MAGI2: variants seen among roughly 807,000 people sequenced by gnomAD.
MAGI2 encodes the protein membrane-associated guanylate kinase, WW and PDZ domain-containing protein 2.
In MAGI2, 35 loss-of-function variants were observed where a neutral mutation model predicts 133.3. That is an observed-to-expected ratio of 0.26 (90% CI 0.20 to 0.35). The LOEUF is 0.35. Ranked by LOEUF, MAGI2 falls within the 10% of genes least tolerant of loss-of-function variation. The pLI, the probability that MAGI2 is intolerant of heterozygous loss-of-function variation, is 1.00. For missense variants in MAGI2, 1,636 were observed against 1,863.4 expected, an observed-to-expected ratio of 0.88 and a Z score of 2.25; for synonymous variants, 729 against 710.6, an observed-to-expected ratio of 1.03 and a Z score of -0.41.
intron 2 of MAGI2, among the ~76,000 whole-genome samples, chr7:78,684,651 T>C (rs770015729): frequency 6.6e-5 from 10 of 151,908 alleles, no homozygotes; most frequent in Non-Finnish European, 1.0e-4. Flanking sequence ...AAGAGGTGAG[T>C]GGATAGCTGA....
chr7:78,783,295 AAAAC>A (rs1164603515), intron 2 of MAGI2, among the ~76,000 whole-genome samples: 1 of 152,066 alleles, frequency 6.6e-6, no homozygotes, highest in East Asian at 1.9e-4. Flanking sequence ...TTTTACTAAC[AAAAC>A]AAACAACTTT....
At chr7:78,392,396 CA>C (rs1446526509) in intron 6 of MAGI2, among the ~76,000 whole-genome samples, 1 of 152,006 alleles carries the variant, frequency 6.6e-6, no homozygotes, top group Admixed American at 6.6e-5. Context: ...GATACTTTTG[CA>C]GAGAATGGGC....
At chr7:78,852,180 A>T (rs1417594430) in intron 2 of MAGI2, among the ~76,000 whole-genome samples, 1 of 152,016 alleles carries the variant, frequency 6.6e-6, no homozygotes, top group Non-Finnish European at 1.5e-5. Context: ...GCATTTTTTC[A>T]TATTTTTATT....
At chr7:78,848,378 T>C (rs1173739697) in intron 2 of MAGI2, among the ~76,000 whole-genome samples, 1 of 152,034 alleles carries the variant, frequency 6.6e-6, no homozygotes, top group African/African-American at 2.4e-5. Flanking sequence ...CCATCTCAGA[T>C]GTTCCTATCC....
At chr7:78,083,478 A>T (rs1056685238) in intron 20 of MAGI2, among the ~76,000 whole-genome samples, 5 of 150,780 alleles carry the variant, frequency 3.3e-5, no homozygotes, top group African/African-American at 1.2e-4. Context: ...GTAATTCAGG[A>T]GTCTCTGTGT....
rs1437314757 is a variant in MAGI2 at position 78,058,561 on chromosome 7, T to TC, written c.3706+20385dup. ...ATCTCGGCTCACTGCAAACTCCGCC[T>TC]CCCGGGTTCAAGCGATTCTCTTGCC... On this transcript the variant is annotated intron_variant, in intron 21 of 21. Coordinates refer to ENST00000354212, the MANE Select transcript of MAGI2 (RefSeq NM_012301.4). Among the ~76,000 whole-genome samples the TC allele has an allele frequency of 6.6e-5, 10 of 151,180 alleles. No individual in the cohort carries two copies. The East Asian group carries it at 2.0e-3, about 30-fold the overall frequency.
intron 1 of MAGI2, among the ~76,000 whole-genome samples, chr7:79,255,831 A>T (rs1027874874): frequency 6.6e-5 from 10 of 152,192 alleles, no homozygotes; most frequent in African/African-American, 2.2e-4. Context: ...TAACTGAAAA[A>T]AAAATACTCA....
At chr7:79,297,573 A>T (rs59045368) in intron 1 of MAGI2, among the ~76,000 whole-genome samples, 3,384 of 152,312 alleles carry the variant, frequency 0.022, 137 homozygotes, top group African/African-American at 0.077. Context: ...GTACTCTTCT[A>T]GTTGATGGGA....
At chr7:78,073,020 G>T (rs1814877637) in intron 21 of MAGI2, 1 of 398,460 alleles carries the variant, frequency 2.5e-6, no homozygotes, top group East Asian at 3.6e-5. Context: ...TCTACATAGA[G>T]GCCAGTACTG....
intron 2 of MAGI2, among the ~76,000 whole-genome samples, chr7:78,940,298 A>T (rs1800862997): frequency 6.6e-6 from 1 of 152,206 alleles, no homozygotes; most frequent in African/African-American, 2.4e-5. Flanking sequence ...AATTCAAATA[A>T]TAATGATAGG....
chr7:78,657,827 T>C (rs1812472797), intron 2 of MAGI2, among the ~76,000 whole-genome samples: 1 of 152,182 alleles, frequency 6.6e-6, no homozygotes, highest in South Asian at 2.1e-4. Flanking sequence ...ATAATGTACG[T>C]GTTCAGCAAT....
intron 6 of MAGI2, among the ~76,000 whole-genome samples, chr7:78,429,729 T>C (rs1344796741): frequency 1.3e-5 from 2 of 151,870 alleles, no homozygotes; most frequent in Non-Finnish European, 2.9e-5. Flanking sequence ...AATAATAATA[T>C]AAAGAAAATA....
intron 1 of MAGI2, among the ~76,000 whole-genome samples, chr7:79,269,103 A>G (rs77424896): frequency 0.044 from 6,719 of 152,252 alleles, 248 homozygotes; most frequent in African/African-American, 0.094. Context: ...TGGAATCTGA[A>G]TTTACAATAC....
chr7:79,186,813 G>C (rs1346331503), intron 1 of MAGI2, among the ~76,000 whole-genome samples: 1 of 116,578 alleles, frequency 8.6e-6, no homozygotes, highest in African/African-American at 4.3e-5. Context: ...ATAAACATAG[G>C]ATACCAGAAT....
At chr7:79,250,271 A>G (rs1342553625) in intron 1 of MAGI2, among the ~76,000 whole-genome samples, 1 of 150,984 alleles carries the variant, frequency 6.6e-6, no homozygotes, top group Admixed American at 6.6e-5. Flanking sequence ...TTTATTCAAC[A>G]TGGTATTGGA....
intron 6 of MAGI2, among the ~76,000 whole-genome samples, chr7:78,403,828 G>A (rs1285260295): frequency 1.3e-5 from 2 of 152,262 alleles, no homozygotes; most frequent in Middle Eastern, 3.4e-3. Context: ...AATCAGGCAG[G>A]AGAAAGAAAT....
chr7:78,174,433 T>G (rs1826401159), intron 14 of MAGI2, among the ~76,000 whole-genome samples: 3 of 152,252 alleles, frequency 2.0e-5, no homozygotes, highest in African/African-American at 7.2e-5. Flanking sequence ...TTTCAGCAAG[T>G]GCTCAGTGTC....
intron 21 of MAGI2, among the ~76,000 whole-genome samples, chr7:78,042,990 G>A (rs1256749652): frequency 6.6e-6 from 1 of 152,178 alleles, no homozygotes; most frequent in Admixed American, 6.5e-5. Flanking sequence ...CACAACATAG[G>A]AGAAAGAACA....
chr7:79,224,342 T>C (rs1830677711), intron 1 of MAGI2, among the ~76,000 whole-genome samples: 1 of 152,040 alleles, frequency 6.6e-6, no homozygotes, highest in Non-Finnish European at 1.5e-5. Flanking sequence ...CAATCTGGTC[T>C]TGGCCCGTCT....
Sources: allele counts gnomAD v4.1 joint callset (sites outside exome capture counted in the v4.1 genomes callset), GRCh38; gene constraint gnomAD v4.1.1; transcripts MANE v1.5; gene names NCBI Gene and HGNC (gene_info 2026-07-23, HGNC 2026-07-21).